Variants in PDGFD observed in about 807,000 individuals in gnomAD.
The protein encoded by PDGFD is platelet-derived growth factor D.
In PDGFD, 30 loss-of-function variants were observed where a neutral mutation model predicts 44.7. The ratio of observed to expected loss-of-function variants is 0.67; its 90% CI spans 0.50 to 0.91. The LOEUF (loss-of-function observed/expected upper bound fraction) is 0.91. Ranked by LOEUF, PDGFD falls within the 40% of genes least tolerant of loss-of-function variation. The pLI is 0.00. For missense variants in PDGFD, 445 were observed against 457.8 expected (o/e 0.97, Z 0.25); for synonymous variants, 173 against 168.4 (o/e 1.03, Z -0.21).
At chr11:104,036,834 C>A (rs1262565446) in intron 1 of PDGFD, 1 of 1,613,786 alleles carries the variant, frequency 6.2e-7, no homozygotes, top group Non-Finnish European at 8.5e-7. Context: ...TGCTGATCAC[C>A]GTGTACTGCG....
At chr11:104,063,105 C>T (rs1019736560) in intron 1 of PDGFD, among the ~76,000 whole-genome samples, 2 of 152,120 alleles carry the variant, frequency 1.3e-5, no homozygotes, top group African/African-American at 2.4e-5. Flanking sequence ...TTCAATTATG[C>T]TGCTAAATAG....
chr11:104,161,951 G>GAGA, intron 1 of PDGFD, among the ~76,000 whole-genome samples: 1 of 54,172 alleles, frequency 1.8e-5, no homozygotes, highest in East Asian at 8.1e-4. Context: ...ATCAAAGAGA[G>GAGA]TGTGTGTGTG....
chr11:104,055,179 A>T (rs1860601080), intron 1 of PDGFD, among the ~76,000 whole-genome samples: 1 of 152,330 alleles, frequency 6.6e-6, no homozygotes, highest in East Asian at 1.9e-4. Context: ...TAAAGTATTT[A>T]TAAGGAATTA....
At chr11:103,982,925 A>G (rs911664535) in intron 3 of PDGFD, among the ~76,000 whole-genome samples, 10 of 151,772 alleles carry the variant, frequency 6.6e-5, no homozygotes, top group Admixed American at 6.6e-4. Context: ...AGATGACACA[A>G]ACAAATGGAA....
rs1289910345 is a variant in PDGFD, at chr11:104,163,844, T to A, written c.84A>T (p.Ala28=). Residue 28 remains alanine (A), a synonymous_variant, in exon 1 of 7, where the codon GCA becomes GCT. Transcript: ENST00000393158. ...TGGCGTTGCGCAAAGCTTTGATGGA[T>A]GCGCTCTGCGGGGTTGCAGAAGTGT... ...CRDTSATPQS[A]SIKALRNANL... The A allele has an allele frequency of 2.5e-6, 4 of 1,572,930 alleles. No individual in the cohort carries two copies. The South Asian group carries it at 3.5e-5, about 14-fold the overall frequency.
intron 5 of PDGFD, among the ~76,000 whole-genome samples, chr11:103,938,770 T>C (rs1428782133): frequency 6.6e-6 from 1 of 152,232 alleles, no homozygotes; most frequent in Non-Finnish European, 1.5e-5. Context: ...GCTTTCTACA[T>C]AGGGCTAGCC....
intron 1 of PDGFD, among the ~76,000 whole-genome samples, chr11:104,137,248 T>C (rs1862020693): frequency 6.6e-6 from 1 of 152,174 alleles, no homozygotes. Flanking sequence ...TACAGAGCTG[T>C]ATCCTAAATA....
At chr11:103,937,820 TG>T (rs1204889423) in intron 5 of PDGFD, among the ~76,000 whole-genome samples, 1 of 151,234 alleles carries the variant, frequency 6.6e-6, no homozygotes, top group African/African-American at 2.4e-5. Context: ...TTTTTGTCCT[TG>T]TGATAGTTTG....
chr11:103,983,767 A>G (rs1859309698), intron 3 of PDGFD, among the ~76,000 whole-genome samples: 1 of 151,726 alleles, frequency 6.6e-6, no homozygotes, highest in Non-Finnish European at 1.5e-5. Context: ...ACGTGAACAG[A>G]CACTTTTCAA....
At chr11:103,975,361 G>A (rs1397742639) in intron 3 of PDGFD, among the ~76,000 whole-genome samples, 1 of 152,122 alleles carries the variant, frequency 6.6e-6, no homozygotes, top group African/African-American at 2.4e-5. Context: ...TTGTAAATTT[G>A]TTTAAGTTCC....
intron 1 of PDGFD, among the ~76,000 whole-genome samples, chr11:104,074,473 T>C (rs1860925697): frequency 1.3e-5 from 2 of 152,182 alleles, no homozygotes; most frequent in African/African-American, 2.4e-5. Context: ...TTTTTAAAAT[T>C]GGAACTAGAA....
chr11:104,014,092 G>A (rs1859824476), intron 1 of PDGFD, among the ~76,000 whole-genome samples: 1 of 152,172 alleles, frequency 6.6e-6, no homozygotes, highest in Admixed American at 6.5e-5. Context: ...AATTAACAAT[G>A]TCTCGCATGG....
chr11:103,961,358 G>A (rs1486785666), intron 3 of PDGFD, among the ~76,000 whole-genome samples: 1 of 152,142 alleles, frequency 6.6e-6, no homozygotes, highest in Non-Finnish European at 1.5e-5. Context: ...GGGGCCATAA[G>A]CAAAGCCCCA....
chr11:104,076,796 T>C (rs1221822746), intron 1 of PDGFD, among the ~76,000 whole-genome samples: 3 of 152,190 alleles, frequency 2.0e-5, no homozygotes, highest in Admixed American at 2.0e-4. Context: ...GACCAAGCCC[T>C]TCTCTTTCTT....
chr11:103,957,438 G>A (rs1477449333), intron 3 of PDGFD, among the ~76,000 whole-genome samples: 1 of 152,092 alleles, frequency 6.6e-6, no homozygotes, highest in African/African-American at 2.4e-5. Flanking sequence ...AACAAAGCTG[G>A]AGGCATCACG....
At chr11:103,923,792 G>A (rs1858262029) in intron 6 of PDGFD, among the ~76,000 whole-genome samples, 1 of 152,162 alleles carries the variant, frequency 6.6e-6, no homozygotes, top group Admixed American at 6.5e-5. Context: ...AGCAGTTACT[G>A]GCTGGTGATG....
At chr11:104,066,809 C>T (rs1400359507) in intron 1 of PDGFD, among the ~76,000 whole-genome samples, 2 of 152,168 alleles carry the variant, frequency 1.3e-5, no homozygotes, top group Non-Finnish European at 2.9e-5. Flanking sequence ...TCAAATCACA[C>T]TCGGCCTTTG....
intron 1 of PDGFD, among the ~76,000 whole-genome samples, chr11:104,047,800 A>G (rs1860467005): frequency 6.6e-6 from 1 of 152,042 alleles, no homozygotes; most frequent in African/African-American, 2.4e-5. Flanking sequence ...AGATGTGTTA[A>G]CATCTTACAT....
intron 1 of PDGFD, among the ~76,000 whole-genome samples, chr11:104,131,113 GTCTT>G (rs1379369069): frequency 6.6e-6 from 1 of 152,148 alleles, no homozygotes; most frequent in Non-Finnish European, 1.5e-5. Flanking sequence ...GTTGTAGTCA[GTCTT>G]TCCTTCAAAA....
Sources: gnomAD v4.1 joint callset for allele counts (sites outside exome capture counted in the v4.1 genomes callset) on GRCh38, gnomAD v4.1.1 for gene constraint, MANE v1.5 for transcripts, NCBI Gene and HGNC (gene_info 2026-07-23, HGNC 2026-07-21) for gene names.